PRR35: variants seen among roughly 807,000 people sequenced by gnomAD.
PRR35 encodes the protein proline-rich protein 35.
PRR35 carries 14 observed loss-of-function variants against 18.6 expected under a neutral mutation model. That is an observed-to-expected ratio of 0.75 (90% confidence interval 0.50 to 1.18). PRR35 has a LOEUF of 1.18. Ranked by LOEUF, PRR35 falls within the 50% of genes most tolerant of loss-of-function variation. The probability of loss-of-function intolerance (pLI) is 0.00; values close to 1 mark genes in which losing one functional copy is unlikely to be tolerated. For synonymous variants in PRR35, 425 were observed against 378.2 expected (o/e 1.12, Z -1.43); for missense variants, 832 against 792.2 (o/e 1.05, Z -0.60).
intron 1 of PRR35, among the ~76,000 whole-genome samples, chr16:562,583 AT>A (rs2035456674): frequency 7.7e-6 from 1 of 129,938 alleles, no homozygotes; most frequent in South Asian, 2.8e-4. Flanking sequence ...ACACGCACAC[AT>A]GCACACACAC....
chr16:560,115 G>C (rs1043318333), upstream of PRR35, among the ~76,000 whole-genome samples: 4 of 151,616 alleles, frequency 2.6e-5, no homozygotes, highest in African/African-American at 9.7e-5. Context: ...GGGAGGCGCC[G>C]GGCGCCCCTG....
At position 565,072 on chromosome 16, in the gene PRR35, C is replaced by T; in HGVS notation, c.1481C>T (p.Thr494Ile). Residue 494 changes from threonine to isoleucine, a missense_variant, in exon 3 of 3, where the codon ACC becomes ATC. Transcript: ENST00000409413. Reference protein sequence around the residue: ...WGRPELGPVLTGGTPEPPGML... With the variant: ...WGRPELGPVLIGGTPEPPGML... ...CGGCCCGAGCTGGGTCCCGTGTTGA[C>T]CGGGGGCACCCCCGAGCCACCCGGC... The T allele has an allele frequency of 6.3e-7, 1 of 1,592,446 alleles. No homozygotes were observed. Among genetic ancestry groups the T allele is most frequent in the Non-Finnish European group, 8.6e-7 (1 of 1,169,458 alleles).
chr16:565,060 G>A lies in PRR35; in HGVS notation c.1469G>A (p.Gly490Asp). 1 of 1,594,444 alleles carries A rather than the reference G, an allele frequency of 6.3e-7. No homozygotes were observed. The highest frequency in any genetic ancestry group is 2.3e-5 in the East Asian group (1 of 44,308). ...GAGGCGTGGGGGCGGCCCGAGCTGG[G>A]TCCCGTGTTGACCGGGGGCACCCCC... Reference protein sequence around the residue: ...LGEAWGRPELGPVLTGGTPEP... With the variant: ...LGEAWGRPELDPVLTGGTPEP... Residue 490 changes from glycine to aspartate, a missense_variant, in exon 3 of 3, where the codon GGT (glycine) becomes GAT (aspartate). By Grantham distance (94) the Gly-to-Asp change is moderately conservative (BLOSUM62 -1). This residue lies in a region of PRR35 where 768 missense variants were observed against 704.1 expected (regional missense o/e 1.09). Transcript: ENST00000409413.
At chr16:563,171 C>A in intron 1 of PRR35, 85 bp from the exon 2 acceptor site, 2 of 1,297,660 alleles carry the variant, frequency 1.5e-6, no homozygotes, top group Non-Finnish European at 2.0e-6. Flanking sequence ...AGGCTCCAGT[C>A]CCTGGAGCCT....
chr16:565,484 T>C lies in PRR35; in HGVS notation c.*177T>C. 3.5e-6 allele frequency: 2 copies of C among 576,358 alleles called. No individual in the cohort carries two copies. The highest frequency in any genetic ancestry group is 3.6e-5 in the South Asian group (1 of 27,488). The allele number at this position is 576,358 out of a possible 1,614,324, so 35.7% of individuals were successfully genotyped here. ...ACACAGGGACACTGGAGGTCACAGT[T>C]ATTTATTGATCACAATTGTGGACAT... is the stretch of plus-strand genomic sequence containing the variant. On this transcript the variant is annotated 3_prime_UTR_variant, in exon 3 of 3. Transcript: ENST00000409413.
chr16:564,794 G>A lies in PRR35; in HGVS notation c.1203G>A (p.Pro401=), dbSNP rs564354793. The A allele has an allele frequency of 5.2e-6, 8 of 1,552,442 alleles. No individual in the cohort carries two copies. The highest frequency in any genetic ancestry group is 2.7e-5 in the African/African-American group (2 of 73,562). ...LQPRGPVPGS[P]EHVGEDLTRA... ...CACGGGGCCCAGTGCCAGGAAGCCC[G>A]GAGCATGTGGGCGAGGACCTGACCC... is the stretch of plus-strand genomic sequence containing the variant. The change falls in exon 3 of 3, where the codon CCG becomes CCA. Residue 401 remains proline (P), a synonymous_variant. Transcript: ENST00000409413.
At chr16:560,763 G>T in intron 1 of PRR35, 102 bp downstream of exon 1, 1 of 891,480 alleles carries the variant, frequency 1.1e-6, no homozygotes, top group South Asian at 5.0e-5. Flanking sequence ...GGGGGGCGCG[G>T]GGGGCGGCCG....
At position 560,641 on chromosome 16, in the gene PRR35, T is replaced by A. The variant is rs2035416799; in HGVS notation, c.-60T>A. 1.0e-6 allele frequency: 1 copy of A among 980,898 alleles called. No homozygotes were observed. The highest frequency in any genetic ancestry group is 6.2e-5 in the Admixed American group (1 of 16,004). 60.8% of individuals were successfully genotyped at this position (980,898 alleles called of 1,614,324 possible). On this transcript the variant is annotated 5_prime_UTR_variant, in exon 1 of 3. Transcript: ENST00000409413. ...CACGCGGCCTCGCAGACTTGGCGGC[T>A]CCGCTCCCGGCCGGGCGCAGGTAGG...
At chr16:564,425 G>C in intron 2 of PRR35, 49 bp downstream of exon 2, 1 of 1,576,382 alleles carries the variant, frequency 6.3e-7, no homozygotes, top group Non-Finnish European at 8.6e-7. Context: ...GGGGCTGGGC[G>C]GCTGGGCATG....
At chr16:563,191 T>C in intron 1 of PRR35, 65 bp from the exon 2 acceptor site, 4 of 1,377,022 alleles carry the variant, frequency 2.9e-6, no homozygotes, top group South Asian at 1.5e-5. Flanking sequence ...TGGGGAGCCA[T>C]GGATGGAGAG....
intron 1 of PRR35, among the ~76,000 whole-genome samples, chr16:561,013 T>G (rs575861262): frequency 0.053 from 7,920 of 150,010 alleles, 339 homozygotes; most frequent in African/African-American, 0.12. Context: ...CCTGTGGGGG[T>G]GCCTGTGCCC....
At chr16:561,477 C>T (rs1022145381) in intron 1 of PRR35, among the ~76,000 whole-genome samples, 4 of 152,168 alleles carry the variant, frequency 2.6e-5, no homozygotes, top group South Asian at 2.1e-4. Context: ...GAGAAGGGGC[C>T]GCCTCTGCAC....
At position 565,082 on chromosome 16, in the gene PRR35, C is replaced by T. The variant is rs770854138; in HGVS notation, c.1491C>T (p.Thr497=). 4.4e-6 allele frequency: 7 copies of T among 1,592,558 alleles called. No individual in the cohort carries two copies. The highest frequency in any genetic ancestry group is 3.4e-4 in the Middle Eastern group (2 of 5,958). The change falls in exon 3 of 3, where the codon ACC becomes ACT. Residue 497 remains threonine, a synonymous_variant. Coordinates refer to ENST00000409413, the MANE Select transcript of PRR35 (RefSeq NM_145270.3). ...TGGGTCCCGTGTTGACCGGGGGCAC[C>T]CCCGAGCCACCCGGCATGCTGGGCC... ...PELGPVLTGG[T]PEPPGMLGPA...
At position 564,013 on chromosome 16, in the gene PRR35, G is replaced by A; in HGVS notation, c.719G>A (p.Ser240Asn). 1 of 1,589,298 alleles carries A rather than the reference G, an allele frequency of 6.3e-7. No individual in the cohort carries two copies. The highest frequency in any genetic ancestry group is 8.5e-7 in the Non-Finnish European group (1 of 1,171,990). Residue 240 changes from serine to asparagine, a missense_variant, in exon 2 of 3, where the codon AGC becomes AAC. Physicochemically the swap from Ser to Asn is conservative, Grantham distance 46. Coordinates refer to ENST00000409413, the MANE Select transcript of PRR35 (RefSeq NM_145270.3). ...AAHVPFLASA[S>N]PLLPPATAFP... ...CATGTGCCCTTCCTGGCCTCGGCCA[G>A]CCCCCTGCTGCCCCCGGCCACGGCC... is the stretch of plus-strand genomic sequence containing the variant.
chr16:564,383 G>C lies in PRR35; in HGVS notation c.1082+7G>C. ...GGTTCTGTTCCCGGAGCAGGTGGGC[G>C]TCTTGGGCTCCCGGTTCCTGGGGTG... On this transcript the variant is annotated splice_region_variant and intron_variant, in intron 2 of 2. Transcript: ENST00000409413. The C allele has an allele frequency of 6.3e-7, 1 of 1,590,194 alleles. No individual in the cohort carries two copies. Among genetic ancestry groups the C allele is most frequent in the South Asian group, 1.1e-5 (1 of 89,338 alleles).
At chr16:561,114 C>A (rs1213973242) in intron 1 of PRR35, among the ~76,000 whole-genome samples, 1 of 152,142 alleles carries the variant, frequency 6.6e-6, no homozygotes, top group Non-Finnish European at 1.5e-5. Context: ...CTGCTGGCTG[C>A]CCCGGGAGCG....
At position 564,131 on chromosome 16, in the gene PRR35, C is replaced by G. The variant is rs745369340; in HGVS notation, c.837C>G (p.Gly279=). The G allele has an allele frequency of 2.0e-5, 32 of 1,575,708 alleles. No homozygotes were observed. The highest frequency in any genetic ancestry group is 1.9e-4 in the Middle Eastern group (1 of 5,176). Residue 279 remains glycine, a synonymous_variant, in exon 2 of 3, where the codon GGC becomes GGG. Transcript: ENST00000409413. ...AGCACACTCTGGGGCTGCCAGCAGG[C>G]AAAGCTGCCCTTGCCAAGGCCCCTG... ...LLEHTLGLPA[G]KAALAKAPVS...
Position 563,449 on chromosome 16 carries a change from T to C in PRR35, c.155T>C (p.Leu52Pro). ...TTCACCTGCCTGGAGAAGTCACACCTCTACAACCACATGAAGTACAGCCTC... is the reference window on the plus strand; with the variant it reads ...TTCACCTGCCTGGAGAAGTCACACCCCTACAACCACATGAAGTACAGCCTC... ...CPFTCLEKSH[L>P]YNHMKYSLCK... The change falls in exon 2 of 3, where the codon CTC (leucine) becomes CCC (proline). Residue 52 changes from leucine (L) to proline (P), a missense_variant. Transcript: ENST00000409413. 1 of 1,612,464 alleles carries C rather than the reference T, an allele frequency of 6.2e-7. No individual in the cohort carries two copies. Among genetic ancestry groups the C allele is most frequent in the South Asian group, 1.1e-5 (1 of 91,084 alleles).
rs376322578 is a variant in PRR35, at chr16:563,335, C to G, written c.41C>G (p.Ala14Gly). ...EAGSCRVGTG[A>G]RARSRKPKKP... Reference sequence around the variant, plus strand: ...GGCTCATGCCGCGTGGGCACAGGGGCGAGGGCGCGGTCTCGGAAGCCCAAG... The same window carrying G: ...GGCTCATGCCGCGTGGGCACAGGGGGGAGGGCGCGGTCTCGGAAGCCCAAG... The change falls in exon 2 of 3, where the codon GCG (alanine) becomes GGG (glycine). Residue 14 changes from alanine (A) to glycine (G), a missense_variant. Ala to Gly is a moderately conservative substitution (Grantham distance 60, BLOSUM62 0). Transcript: ENST00000409413. The G allele has an allele frequency of 6.2e-7, 1 of 1,611,478 alleles. No individual in the cohort carries two copies. The highest frequency in any genetic ancestry group is 8.5e-7 in the Non-Finnish European group (1 of 1,179,498).
Sources: gnomAD v4.1 joint callset for allele counts (sites outside exome capture counted in the v4.1 genomes callset) on GRCh38, gnomAD v4.1.1 for gene constraint, gnomAD v4.1.1 regional missense constraint, MANE v1.5 for transcripts, NCBI Gene and HGNC (gene_info 2026-07-23, HGNC 2026-07-21) for gene names.